TLE1: variants seen among roughly 807,000 people sequenced by gnomAD.
TLE1 encodes the protein TLE family member 1, transcriptional corepressor.
A neutral mutation model predicts 89.8 loss-of-function variants in TLE1; 21 were observed. The observed-to-expected ratio is 0.23, with a 90% CI of 0.17 to 0.34. The LOEUF (loss-of-function observed/expected upper bound fraction) is 0.34, where lower values mean the gene tolerates loss of function less well. Among genes scored for constraint, TLE1 ranks in the 10% least tolerant of loss-of-function variants. TLE1 has a pLI of 1.00. For missense variants in TLE1, 795 were observed against 1,031.2 expected (o/e 0.77, Z 3.14); for synonymous variants, 447 against 407.6 (o/e 1.10, Z -1.16).
rs371977224 is a variant in TLE1, at chr9:81,621,258, G to C, written c.595-701C>G. Among the ~76,000 whole-genome samples, 213 of 152,128 alleles carry C rather than the reference G, an allele frequency of 1.4e-3. 4 individuals are homozygous for C. In the South Asian group the frequency reaches 0.043, roughly 30 times the overall value. ...CAGGATACTTTCATTCGCATATGCC[G>C]AGTAGGAACTGTTGACCCAAAGAAA... On this transcript the variant is annotated intron_variant, in intron 8 of 19. Transcript: ENST00000376499.
intron 11 of TLE1, among the ~76,000 whole-genome samples, chr9:81,614,739 G>A (rs1195082635): frequency 6.6e-6 from 1 of 152,048 alleles, no homozygotes; most frequent in Non-Finnish European, 1.5e-5. Flanking sequence ...CCACATGAGT[G>A]GGTTCTGATG....
chr9:81,585,444 T>C (rs1326387847), intron 18 of TLE1, 61 bp downstream of exon 18: 3 of 1,578,096 alleles, frequency 1.9e-6, no homozygotes, highest in East Asian at 2.3e-5. Flanking sequence ...CCATATTTTT[T>C]TAAGAAGCAT....
At chr9:81,594,457 TCA>T (rs749415794) in intron 14 of TLE1, among the ~76,000 whole-genome samples, 3 of 152,044 alleles carry the variant, frequency 2.0e-5, no homozygotes, top group African/African-American at 4.8e-5. Context: ...CTGCATGTTC[TCA>T]CTCATAAATG....
At chr9:81,623,501 G>A (rs968864819) in intron 8 of TLE1, among the ~76,000 whole-genome samples, 9 of 151,844 alleles carry the variant, frequency 5.9e-5, no homozygotes, top group Admixed American at 2.6e-4. Flanking sequence ...TCATGAGGCC[G>A]GGCACAGTGG....
chr9:81,611,333 G>A (rs1823679265), intron 13 of TLE1, among the ~76,000 whole-genome samples: 1 of 152,020 alleles, frequency 6.6e-6, no homozygotes, highest in Non-Finnish European at 1.5e-5. Context: ...GGCATAGAAA[G>A]AGAAAGCGAT....
intron 4 of TLE1, among the ~76,000 whole-genome samples, chr9:81,677,673 G>T (rs934771121): frequency 1.3e-5 from 2 of 151,720 alleles, no homozygotes; most frequent in South Asian, 2.1e-4. Context: ...AACCTACTTA[G>T]ATCAGTCATG....
At chr9:81,652,584 T>A (rs972137858) in intron 5 of TLE1, among the ~76,000 whole-genome samples, 6 of 152,058 alleles carry the variant, frequency 3.9e-5, no homozygotes, top group African/African-American at 1.4e-4. Flanking sequence ...CCTTAAAAAA[T>A]AAATAGAACA....
At chr9:81,595,311 A>G (rs1396508432) in intron 14 of TLE1, among the ~76,000 whole-genome samples, 1 of 152,200 alleles carries the variant, frequency 6.6e-6, no homozygotes, top group Non-Finnish European at 1.5e-5. Context: ...TCATAATCAA[A>G]TAGCATTTTG....
intron 6 of TLE1, among the ~76,000 whole-genome samples, chr9:81,635,118 C>G (rs946137848): frequency 6.6e-6 from 1 of 152,316 alleles, no homozygotes; most frequent in East Asian, 1.9e-4. Context: ...CTTAAGGCTG[C>G]TGTTTACCAT....
At position 81,592,235 on chromosome 9, in the gene TLE1, G is replaced by A. The variant is rs961745742; in HGVS notation, c.1581+790C>T. On this transcript the variant is annotated intron_variant, in intron 15 of 19. Coordinates refer to ENST00000376499, the MANE Select transcript of TLE1 (RefSeq NM_005077.5). ...TAGCCGGGCGTGGTGGTGGGCGCCC[G>A]TAGTCCCAGCTACTTGGGAGGCTGA... is the stretch of plus-strand genomic sequence containing the variant. 7.2e-5 allele frequency among the ~76,000 whole-genome samples: 11 copies of A among 152,158 alleles called. 1 individual carries two copies. The highest frequency in any genetic ancestry group is 3.9e-4 in the East Asian group (2 of 5,180).
At chr9:81,613,967 G>C (rs961524920) in intron 11 of TLE1, among the ~76,000 whole-genome samples, 1 of 147,938 alleles carries the variant, frequency 6.8e-6, no homozygotes, top group South Asian at 2.1e-4. Context: ...GAGTGCAGTG[G>C]CGCAATCTCG....
intron 4 of TLE1, among the ~76,000 whole-genome samples, chr9:81,683,954 A>G (rs528443460): frequency 1.2e-4 from 19 of 152,234 alleles, no homozygotes; most frequent in Admixed American, 2.6e-4. Flanking sequence ...AACCCAGAAG[A>G]ATTACACACC....
intron 1 of TLE1, 118 bp downstream of exon 1, chr9:81,688,099 T>C: frequency 7.3e-7 from 1 of 1,364,078 alleles, no homozygotes; most frequent in Non-Finnish European, 1.0e-6. Context: ...TCCCCAGCCT[T>C]ACACCGCTGA....
intron 4 of TLE1, among the ~76,000 whole-genome samples, chr9:81,683,501 G>A (rs1833878507): frequency 6.6e-6 from 1 of 152,132 alleles, no homozygotes; most frequent in Non-Finnish European, 1.5e-5. Flanking sequence ...CTGGGGGCCA[G>A]ACGTCACCAG....
chr9:81,616,268 C>G (rs1824502128), intron 10 of TLE1, 134 bp from the exon 11 acceptor site: 4 of 1,097,830 alleles, frequency 3.6e-6, no homozygotes, highest in Non-Finnish European at 5.2e-6. Flanking sequence ...GTGACCAACA[C>G]CATGTTATAA....
At chr9:81,624,047 G>GT (rs1825622744) in intron 8 of TLE1, among the ~76,000 whole-genome samples, 1 of 152,088 alleles carries the variant, frequency 6.6e-6, no homozygotes. Context: ...TCTCAGAAGA[G>GT]TGATTTTTAA....
intron 8 of TLE1, among the ~76,000 whole-genome samples, chr9:81,629,140 C>T (rs921312912): frequency 4.9e-4 from 74 of 152,054 alleles, no homozygotes; most frequent in Non-Finnish European, 5.9e-5. Flanking sequence ...TACTCGGGCA[C>T]ATAGTCAGGG....
intron 4 of TLE1, among the ~76,000 whole-genome samples, chr9:81,671,639 C>T (rs546737975): frequency 7.1e-4 from 106 of 149,968 alleles, no homozygotes; most frequent in African/African-American, 2.4e-3. Context: ...AGTGAGACTC[C>T]GTCTCAAAAA....
chr9:81,637,028 A>G lies in TLE1; in HGVS notation c.373-2727T>C, dbSNP rs11999172. On this transcript the variant is annotated intron_variant, in intron 6 of 19. Transcript: ENST00000376499. ...AAAAAAAAAAAAAAGAAAAAAGAAAAAAAAAGATTTCCCCTCCCATAAATC... is the reference window on the plus strand; with the variant it reads ...AAAAAAAAAAAAAAGAAAAAAGAAAGAAAAAGATTTCCCCTCCCATAAATC... 9.8e-4 allele frequency among the ~76,000 whole-genome samples: 149 copies of G among 151,974 alleles called. 1 individual carries two copies. Among genetic ancestry groups the G allele is most frequent in the African/African-American group, 3.4e-3 (139 of 41,450 alleles).
Sources: allele counts gnomAD v4.1 joint callset (sites outside exome capture counted in the v4.1 genomes callset), GRCh38; gene constraint gnomAD v4.1.1; transcripts MANE v1.5; gene names NCBI Gene and HGNC (gene_info 2026-07-23, HGNC 2026-07-21).